The following RBMS3 variants were observed in gnomAD, a reference collection of about 807,000 sequenced individuals.
The protein encoded by RBMS3 is RNA binding motif single stranded interacting protein 3.
A neutral mutation model predicts 66.8 loss-of-function variants in RBMS3; 27 were observed. The ratio of observed to expected loss-of-function variants is 0.40; its 90% CI spans 0.30 to 0.56. The LOEUF is 0.56. RBMS3 is among the 20% of genes least tolerant of loss of function. RBMS3 has a pLI of 0.40. For missense variants in RBMS3, 513 were observed against 549.5 expected, an observed-to-expected ratio of 0.93 and a Z score of 0.66; for synonymous variants, 188 against 183.0, an observed-to-expected ratio of 1.03 and a Z score of -0.22.
intron 6 of RBMS3, among the ~76,000 whole-genome samples, chr3:29,828,034 CTTTGTGTGTGTGTATATG>C (rs1013679590): frequency 3.3e-5 from 5 of 151,842 alleles, no homozygotes; most frequent in South Asian, 2.1e-4. Context: ...AGACCATTGA[CTTTGTGTGTGTGTATATG>C]TTTGTGTGTG....
chr3:29,322,632 A>AT (rs1398810895), intron 1 of RBMS3, among the ~76,000 whole-genome samples: 2 of 152,024 alleles, frequency 1.3e-5, no homozygotes, highest in Admixed American at 6.6e-5. Context: ...ACGAAAAAAA[A>AT]AAATGGCCAT....
intron 4 of RBMS3, 45 bp downstream of exon 4, chr3:29,587,250 G>C (rs7647211): frequency 7.5e-5 from 7 of 93,642 alleles, no homozygotes; most frequent in African/African-American, 5.6e-4. Context: ...TTTTTTTTTT[G>C]TGTGTGTGTG....
chr3:29,611,211 G>A (rs988179187), intron 4 of RBMS3, among the ~76,000 whole-genome samples: 5 of 152,010 alleles, frequency 3.3e-5, no homozygotes, highest in African/African-American at 1.2e-4. Flanking sequence ...GAAGCAACTG[G>A]AAATGGAAAT....
At chr3:29,491,250 C>T (rs1007403528) in intron 3 of RBMS3, among the ~76,000 whole-genome samples, 2 of 152,136 alleles carry the variant, frequency 1.3e-5, no homozygotes, top group African/African-American at 4.8e-5. Context: ...CCTAAAATCC[C>T]TATCCACGCT....
chr3:29,746,125 A>T (rs2054881429), intron 5 of RBMS3, among the ~76,000 whole-genome samples: 1 of 152,230 alleles, frequency 6.6e-6, no homozygotes, highest in Non-Finnish European at 1.5e-5. Flanking sequence ...CAGGAATTTT[A>T]AAAAATATGT....
chr3:29,518,103 G>GCATT (rs753608499), intron 3 of RBMS3, among the ~76,000 whole-genome samples: 17 of 152,048 alleles, frequency 1.1e-4, no homozygotes, highest in Non-Finnish European at 2.4e-4. Flanking sequence ...TGAGAGCAGG[G>GCATT]CATTCATTCA....
At chr3:29,534,760 C>A (rs541979546) in intron 3 of RBMS3, among the ~76,000 whole-genome samples, 18 of 152,268 alleles carry the variant, frequency 1.2e-4, no homozygotes, top group African/African-American at 3.8e-4. Flanking sequence ...CATTCATCAG[C>A]CTTCAAGTTC....
At position 29,884,206 on chromosome 3, in the gene RBMS3, T is replaced by C; in HGVS notation, c.789T>C (p.Asn263=). 1 of 1,609,468 alleles carries C rather than the reference T, an allele frequency of 6.2e-7. No individual in the cohort carries two copies. Among genetic ancestry groups the C allele is most frequent in the Admixed American group, 1.7e-5 (1 of 59,790 alleles). ...ATGACCCCACAGCTGCCATACAGAA[T>C]GGGTAAGTAGATCACATTTTCTCTA... ...LTYDPTAAIQ[N]GFYSSPYSIA... Residue 263 remains asparagine, a splice_region_variant and synonymous_variant, in exon 8 of 15, where the codon AAT becomes AAC. Coordinates refer to ENST00000383767, the MANE Select transcript of RBMS3 (RefSeq NM_001003793.3).
At chr3:29,410,423 A>C (rs1429984601) in intron 1 of RBMS3, among the ~76,000 whole-genome samples, 2 of 152,200 alleles carry the variant, frequency 1.3e-5, no homozygotes, top group Non-Finnish European at 2.9e-5. Context: ...AAATTGCCTA[A>C]AAGCTCCATT....
intron 1 of RBMS3, among the ~76,000 whole-genome samples, chr3:29,362,745 T>G (rs2037675352): frequency 6.6e-6 from 1 of 152,238 alleles, no homozygotes; most frequent in South Asian, 2.1e-4. Flanking sequence ...TATGGTGTAC[T>G]GCACAAGTGG....
At chr3:29,790,456 C>G (rs140020486) in intron 6 of RBMS3, among the ~76,000 whole-genome samples, 3,308 of 152,120 alleles carry the variant, frequency 0.022, 101 homozygotes, top group African/African-American at 0.064. Context: ...TTTCAAAGAG[C>G]ATGATTCATT....
intron 10 of RBMS3, among the ~76,000 whole-genome samples, chr3:29,913,173 T>A (rs1274232413): frequency 6.6e-6 from 1 of 152,046 alleles, no homozygotes; most frequent in Non-Finnish European, 1.5e-5. Flanking sequence ...CAAACGGAAC[T>A]GATAGAATAG....
chr3:29,805,542 C>T (rs181143955), intron 6 of RBMS3, among the ~76,000 whole-genome samples: 6 of 152,022 alleles, frequency 3.9e-5, no homozygotes, highest in East Asian at 1.9e-4. Context: ...TTGGACAAGA[C>T]GTGGAGAGCA....
intron 12 of RBMS3, among the ~76,000 whole-genome samples, chr3:29,950,213 C>T (rs1025344311): frequency 4.6e-5 from 7 of 151,828 alleles, no homozygotes; most frequent in East Asian, 1.9e-4. Flanking sequence ...AGAAAAACGA[C>T]GCTTAGTGAT....
chr3:29,621,745 T>C (rs1175371237), intron 4 of RBMS3, among the ~76,000 whole-genome samples: 2 of 151,380 alleles, frequency 1.3e-5, no homozygotes, highest in Non-Finnish European at 2.9e-5. Flanking sequence ...GTAAAATGTA[T>C]GCACAATGCC....
intron 4 of RBMS3, among the ~76,000 whole-genome samples, chr3:29,611,042 G>C (rs1036986694): frequency 3.9e-5 from 6 of 151,928 alleles, no homozygotes; most frequent in African/African-American, 1.4e-4. Flanking sequence ...AGGGCATCTT[G>C]TTCTGCCCCA....
At chr3:29,369,934 G>A (rs2038111487) in intron 1 of RBMS3, among the ~76,000 whole-genome samples, 2 of 151,858 alleles carry the variant, frequency 1.3e-5, no homozygotes, top group Middle Eastern at 3.2e-3. Context: ...CGAGACTTTG[G>A]CTTAATTAAT....
intron 3 of RBMS3, among the ~76,000 whole-genome samples, chr3:29,560,844 A>G (rs1200958318): frequency 6.6e-6 from 1 of 152,136 alleles, no homozygotes; most frequent in Non-Finnish European, 1.5e-5. Flanking sequence ...CCCAGATATT[A>G]AGCCTAGTAC....
chr3:29,787,878 C>A (rs1371717555), intron 6 of RBMS3, among the ~76,000 whole-genome samples: 3 of 151,988 alleles, frequency 2.0e-5, no homozygotes, highest in Non-Finnish European at 2.9e-5. Flanking sequence ...AAATATTTAG[C>A]CATTTATTTT....
Sources: gnomAD v4.1 joint callset for allele counts (sites outside exome capture counted in the v4.1 genomes callset) on GRCh38, gnomAD v4.1.1 for gene constraint, MANE v1.5 for transcripts, NCBI Gene and HGNC (gene_info 2026-07-23, HGNC 2026-07-21) for gene names.